MICU1: variants seen among roughly 807,000 people sequenced by gnomAD.
MICU1 encodes calcium uptake protein 1, mitochondrial.
Under a neutral mutation model 56.8 loss-of-function variants are expected in MICU1, and 45 were observed. That is an observed-to-expected ratio of 0.79 (90% CI 0.62 to 1.02). The LOEUF is 1.02. Among genes scored for constraint, MICU1 ranks in the 50% least tolerant of loss-of-function variants. The pLI, the probability that MICU1 is intolerant of heterozygous loss-of-function variation, is 0.00. For missense variants in MICU1, 504 were observed against 587.1 expected, an observed-to-expected ratio of 0.86 and a Z score of 1.46; for synonymous variants, 186 against 195.1, an observed-to-expected ratio of 0.95 and a Z score of 0.39.
chr10:72,370,629 G>T (rs899465252), intron 11 of MICU1, among the ~76,000 whole-genome samples: 9 of 152,202 alleles, frequency 5.9e-5, no homozygotes, highest in African/African-American at 2.2e-4. Context: ...AGTGACTGGA[G>T]GTACCAAGTA....
chr10:72,544,020 G>A (rs1175521718), intron 4 of MICU1, among the ~76,000 whole-genome samples: 1 of 152,164 alleles, frequency 6.6e-6, no homozygotes, highest in African/African-American at 2.4e-5. Context: ...GCTGTGCCCT[G>A]GGCCTGGTAG....
At chr10:72,476,421 G>T (rs1235137838) in intron 7 of MICU1, among the ~76,000 whole-genome samples, 2 of 151,860 alleles carry the variant, frequency 1.3e-5, no homozygotes, top group African/African-American at 4.8e-5. Flanking sequence ...TAGAGATAGG[G>T]TCTCACTATG....
intron 4 of MICU1, among the ~76,000 whole-genome samples, chr10:72,535,997 C>T (rs1418870392): frequency 1.3e-5 from 2 of 151,892 alleles, no homozygotes; most frequent in African/African-American, 4.8e-5. Flanking sequence ...TACGTGGAAG[C>T]CAGAAAAAGT....
intron 10 of MICU1, 48 bp from the exon 11 acceptor site, chr10:72,375,920 T>G: frequency 6.5e-7 from 1 of 1,547,852 alleles, no homozygotes; most frequent in Non-Finnish European, 8.8e-7. Context: ...ATTTTCATTT[T>G]GCTTTCTCTG....
chr10:72,527,502 A>G (rs1008383661), intron 5 of MICU1, among the ~76,000 whole-genome samples: 4 of 152,104 alleles, frequency 2.6e-5, no homozygotes, highest in African/African-American at 9.7e-5. Context: ...AGCTGAAACT[A>G]TAGGCATGCA....
intron 1 of MICU1, among the ~76,000 whole-genome samples, chr10:72,582,227 C>T (rs538290955): frequency 2.9e-4 from 44 of 152,214 alleles, no homozygotes; most frequent in Non-Finnish European, 3.2e-4. Context: ...CCATGCCCAG[C>T]CCTGAGTGGT....
At chr10:72,478,960 T>TG (rs1866204869) in intron 6 of MICU1, among the ~76,000 whole-genome samples, 1 of 152,172 alleles carries the variant, frequency 6.6e-6, no homozygotes. Context: ...AGGATGCAGC[T>TG]GGGGGAATTA....
chr10:72,601,138 C>T (rs1424835630), intron 1 of MICU1, among the ~76,000 whole-genome samples: 1 of 152,074 alleles, frequency 6.6e-6, no homozygotes, highest in African/African-American at 2.4e-5. Flanking sequence ...AGTGTACATA[C>T]AGGCTGAGTG....
chr10:72,491,004 G>A (rs7912153), intron 6 of MICU1, among the ~76,000 whole-genome samples: 9,012 of 152,168 alleles, frequency 0.059, 904 homozygotes, highest in African/African-American at 0.21. Flanking sequence ...GAAAGCCTAA[G>A]GAGCCAAACA....
chr10:72,471,448 A>G lies in MICU1; in HGVS notation c.933+3652T>C, dbSNP rs373127190. Among the ~76,000 whole-genome samples the G allele has an allele frequency of 3.9e-5, 6 of 152,180 alleles. 1 individual carries two copies. The East Asian group carries it at 7.7e-4, about 20-fold the overall frequency. ...TCTCAGTATGCAAGACAAAAGTCCT[A>G]TGCTCTGTTTCTCTAGGCTCTCATT... On this transcript the variant is annotated intron_variant, in intron 8 of 11. Coordinates refer to ENST00000361114, the MANE Select transcript of MICU1 (RefSeq NM_001195518.2).
chr10:72,533,242 G>T, intron 5 of MICU1: 1 of 773,888 alleles, frequency 1.3e-6, no homozygotes, highest in Non-Finnish European at 1.8e-6. Flanking sequence ...AGAATAATTT[G>T]TTATATTATT....
intron 3 of MICU1, chr10:72,560,505 A>C (rs1416632517): frequency 6.6e-6 from 1 of 152,262 alleles, no homozygotes; most frequent in Non-Finnish European, 1.5e-5. Flanking sequence ...AGAGCATTTT[A>C]AGAGGTGCAA....
chr10:72,405,167 C>T (rs1295972448), intron 10 of MICU1, among the ~76,000 whole-genome samples: 1 of 152,084 alleles, frequency 6.6e-6, no homozygotes, highest in Non-Finnish European at 1.5e-5. Flanking sequence ...TCTCAGCCTC[C>T]TAAAGTGTTA....
intron 8 of MICU1, among the ~76,000 whole-genome samples, chr10:72,445,697 G>T (rs1184461142): frequency 1.3e-5 from 2 of 152,168 alleles, no homozygotes; most frequent in East Asian, 3.8e-4. Flanking sequence ...TACAAGATTT[G>T]CAGTTAGGCA....
rs199620796 is a variant in MICU1 at position 72,570,196 on chromosome 10, TG to T, written c.-1-3403del. 8.2e-3 allele frequency among the ~76,000 whole-genome samples: 1,244 copies of T among 152,206 alleles called. 6 individuals carry two copies. Among genetic ancestry groups the T allele is most frequent in the Non-Finnish European group, 0.012 (797 of 68,004 alleles). On this transcript the variant is annotated intron_variant, in intron 1 of 11. Coordinates refer to ENST00000361114, the MANE Select transcript of MICU1 (RefSeq NM_001195518.2). ...CTGACCTCAAGTGATCTGCCCGCCT[TG>T]GCCTCCCAAAGTGCTGGGATTACAG...
intron 8 of MICU1, among the ~76,000 whole-genome samples, chr10:72,427,833 C>A (rs1864400319): frequency 6.6e-6 from 1 of 150,712 alleles, no homozygotes; most frequent in African/African-American, 2.4e-5. Context: ...TGATCTCAAG[C>A]CACTGAGCTG....
chr10:72,571,333 C>T (rs892618071), intron 1 of MICU1, among the ~76,000 whole-genome samples: 9 of 152,188 alleles, frequency 5.9e-5, no homozygotes, highest in African/African-American at 1.9e-4. Context: ...CACTGCACTC[C>T]AGCTTGGTTG....
chr10:72,407,295 C>T (rs80172849), intron 10 of MICU1, among the ~76,000 whole-genome samples: 3,539 of 152,172 alleles, frequency 0.023, 128 homozygotes, highest in African/African-American at 0.082. Flanking sequence ...CATAGTCATA[C>T]GATCAAGCAA....
intron 8 of MICU1, among the ~76,000 whole-genome samples, chr10:72,428,033 A>G (rs1589209987): frequency 6.6e-6 from 1 of 152,246 alleles, no homozygotes; most frequent in African/African-American, 2.4e-5. Flanking sequence ...ATTGAAATCT[A>G]TGTTACTGCA....
Sources: allele counts gnomAD v4.1 joint callset (sites outside exome capture counted in the v4.1 genomes callset), GRCh38; gene constraint gnomAD v4.1.1; transcripts MANE v1.5; gene names NCBI Gene and HGNC (gene_info 2026-07-23, HGNC 2026-07-21).